The following HPSE2 variants were observed in gnomAD, a reference collection of about 807,000 sequenced individuals.
HPSE2 encodes the protein heparanase 2 (inactive), also known as inactive heparanase-2.
A neutral mutation model predicts 60.5 loss-of-function variants in HPSE2; 38 were observed. That is an observed-to-expected ratio of 0.63 (90% confidence interval 0.48 to 0.82). The LOEUF (loss-of-function observed/expected upper bound fraction) is 0.82, where lower values mean the gene tolerates loss of function less well. HPSE2 is among the 40% of genes least tolerant of loss of function. HPSE2 has a pLI of 0.00. For missense variants in HPSE2, 713 were observed against 740.4 expected (o/e 0.96, Z 0.43); for synonymous variants, 295 against 293.2 (o/e 1.01, Z -0.06).
At chr10:98,792,824 TAA>T (rs1950687411) in intron 3 of HPSE2, among the ~76,000 whole-genome samples, 2 of 152,118 alleles carry the variant, frequency 1.3e-5, no homozygotes, top group Non-Finnish European at 2.9e-5. Flanking sequence ...GAGAGACATT[TAA>T]TATGGGGTAA....
At chr10:99,140,246 C>G (rs1347197823) in intron 3 of HPSE2, among the ~76,000 whole-genome samples, 1 of 152,094 alleles carries the variant, frequency 6.6e-6, no homozygotes, top group East Asian at 1.9e-4. Context: ...ATAAAGCCAA[C>G]CATTGGAATC....
At chr10:98,789,145 C>T (rs895066614) in intron 3 of HPSE2, among the ~76,000 whole-genome samples, 4 of 152,126 alleles carry the variant, frequency 2.6e-5, no homozygotes, top group African/African-American at 9.7e-5. Flanking sequence ...TGATACAGGG[C>T]TTGGAACATG....
chr10:98,705,948 G>C (rs572536434), intron 5 of HPSE2, among the ~76,000 whole-genome samples: 1 of 152,134 alleles, frequency 6.6e-6, no homozygotes, highest in Non-Finnish European at 1.5e-5. Context: ...AATATTTTAT[G>C]TGAAACTGTT....
chr10:99,182,970 C>T (rs114439326), intron 2 of HPSE2, among the ~76,000 whole-genome samples: 1 of 151,442 alleles, frequency 6.6e-6, no homozygotes, highest in African/African-American at 2.4e-5. Flanking sequence ...CACACACACA[C>T]AAAAAAAACT....
chr10:99,115,939 T>C (rs781475492), intron 3 of HPSE2, among the ~76,000 whole-genome samples: 2 of 152,216 alleles, frequency 1.3e-5, no homozygotes, highest in African/African-American at 4.8e-5. Context: ...TTCCATTGTG[T>C]TGATAACAGC....
At chr10:99,211,726 GT>G (rs2133909851) in intron 2 of HPSE2, among the ~76,000 whole-genome samples, 1 of 152,182 alleles carries the variant, frequency 6.6e-6, no homozygotes, top group South Asian at 2.1e-4. Flanking sequence ...GGATTAAAGG[GT>G]TAAATTTAAG....
chr10:99,272,420 AT>A, the HPSE2 span, among the ~76,000 whole-genome samples: 1 of 152,190 alleles, frequency 6.6e-6, no homozygotes, highest in African/African-American at 2.4e-5. Flanking sequence ...AAAAACAAAG[AT>A]AAATACATGG....
intron 5 of HPSE2, among the ~76,000 whole-genome samples, chr10:98,719,065 T>C (rs983921963): frequency 6.6e-6 from 1 of 152,196 alleles, no homozygotes; most frequent in Non-Finnish European, 1.5e-5. Context: ...AAAACTGAAG[T>C]TAGTCATGAT....
intron 3 of HPSE2, among the ~76,000 whole-genome samples, chr10:99,070,781 A>G (rs981355840): frequency 2.0e-5 from 3 of 152,148 alleles, no homozygotes; most frequent in Non-Finnish European, 4.4e-5. Flanking sequence ...TGACTGGTTT[A>G]TTTGACTTAG....
intron 3 of HPSE2, among the ~76,000 whole-genome samples, chr10:98,780,301 T>C (rs1349724534): frequency 1.3e-5 from 2 of 152,190 alleles, no homozygotes; most frequent in Non-Finnish European, 2.9e-5. Context: ...CTAATTCTTA[T>C]AGAAAATTTA....
intron 2 of HPSE2, among the ~76,000 whole-genome samples, chr10:99,225,696 A>T (rs762943514): frequency 9.9e-5 from 15 of 152,080 alleles, no homozygotes; most frequent in Non-Finnish European, 2.1e-4. Flanking sequence ...AGCAAGTGTC[A>T]TGGAAGGCCC....
the HPSE2 span, among the ~76,000 whole-genome samples, chr10:99,268,242 AATG>A: frequency 6.6e-6 from 1 of 152,234 alleles, no homozygotes; most frequent in Non-Finnish European, 1.5e-5. Context: ...TCAACAAACA[AATG>A]ATGAGAGAAT....
intron 3 of HPSE2, among the ~76,000 whole-genome samples, chr10:98,913,301 G>A (rs1312481731): frequency 6.6e-6 from 1 of 152,188 alleles, no homozygotes; most frequent in Non-Finnish European, 1.5e-5. Flanking sequence ...CCAAACTGGA[G>A]ATGATTAAAG....
At chr10:99,218,662 C>T (rs536730758) in intron 2 of HPSE2, among the ~76,000 whole-genome samples, 12 of 152,334 alleles carry the variant, frequency 7.9e-5, no homozygotes, top group Middle Eastern at 3.4e-3. Flanking sequence ...TGTAAGTTTT[C>T]TGCTGCAAGT....
intron 3 of HPSE2, among the ~76,000 whole-genome samples, chr10:98,942,394 A>G (rs1381251612): frequency 6.7e-6 from 1 of 148,488 alleles, no homozygotes; most frequent in Admixed American, 6.7e-5. Flanking sequence ...GAAAAAAACA[A>G]ACAACCCCAT....
chr10:98,600,999 A>AGTAACT (rs1945410603), intron 9 of HPSE2, among the ~76,000 whole-genome samples: 1 of 148,646 alleles, frequency 6.7e-6, no homozygotes, highest in African/African-American at 2.5e-5. Context: ...ATTGATTTTA[A>AGTAACT]GTAACTGGCT....
chr10:98,969,947 G>T (rs1268504200), intron 3 of HPSE2, among the ~76,000 whole-genome samples: 3 of 148,814 alleles, frequency 2.0e-5, no homozygotes, highest in Non-Finnish European at 4.4e-5. Context: ...GCAAGAGGTG[G>T]GGAACAGCTG....
At chr10:99,221,350 T>C (rs1388396778) in intron 2 of HPSE2, among the ~76,000 whole-genome samples, 2 of 152,132 alleles carry the variant, frequency 1.3e-5, no homozygotes, top group Admixed American at 6.6e-5. Context: ...ACTGAAGAGC[T>C]ACTACATAAA....
intron 3 of HPSE2, among the ~76,000 whole-genome samples, chr10:99,069,825 G>A (rs1442846172): frequency 2.6e-5 from 4 of 151,806 alleles, no homozygotes; most frequent in Non-Finnish European, 5.9e-5. Flanking sequence ...ACCACTGTAA[G>A]AGTAGCAGCT....
Sources: gnomAD v4.1 joint callset for allele counts (sites outside exome capture counted in the v4.1 genomes callset) on GRCh38, gnomAD v4.1.1 for gene constraint, MANE v1.5 for transcripts, NCBI Gene and HGNC (gene_info 2026-07-23, HGNC 2026-07-21) for gene names.